Variants in FBN2 observed in about 807,000 individuals in gnomAD.
FBN2 encodes fibrillin-2.
A neutral mutation model predicts 355.6 loss-of-function variants in FBN2; 105 were observed. The observed-to-expected ratio is 0.30, with a 90% confidence interval of 0.25 to 0.35. The LOEUF (loss-of-function observed/expected upper bound fraction) is 0.35, where lower values mean the gene tolerates loss of function less well. Among genes scored for constraint, FBN2 ranks in the 10% least tolerant of loss-of-function variants. FBN2 has a pLI of 1.00. For synonymous variants in FBN2, 1,350 were observed against 1,301.2 expected, an observed-to-expected ratio of 1.04 and a Z score of -0.81; for missense variants, 3,280 against 3,758.7, an observed-to-expected ratio of 0.87 and a Z score of 3.33.
chr5:128,477,335 T>C (rs990572186), intron 5 of FBN2, among the ~76,000 whole-genome samples: 5 of 152,110 alleles, frequency 3.3e-5, no homozygotes, highest in Admixed American at 3.3e-4. Flanking sequence ...ATGGGGAATA[T>C]CACAGCATTT....
Position 128,464,613 on chromosome 5 carries a change from T to C in FBN2, c.826+111A>G, listed in dbSNP as rs1754653742. ...TCAGGGTTGTTAACGAGGCCACTCT[T>C]GGAAATCAGTATTCTGTTAAAAGCT... On this transcript the variant is annotated intron_variant, in intron 6 of 64. Coordinates refer to ENST00000262464, the MANE Select transcript of FBN2 (RefSeq NM_001999.4). 9 of 1,201,948 alleles carry C rather than the reference T, an allele frequency of 7.5e-6. No homozygotes were observed. The South Asian group carries it at 1.1e-4, about 15-fold the overall frequency. 74.5% of individuals were successfully genotyped at this position (1,201,948 alleles called of 1,614,324 possible).
chr5:128,322,154 A>ATTTG lies in FBN2; in HGVS notation c.4472-3154_4472-3153insCAAA, dbSNP rs751165933. ...TATGGGGTTGTTTTTTTTCTTGTAA[A>ATTTG]TTTAAGTTCCTTGCAGATTCTGGAT... On this transcript the variant is annotated intron_variant, in intron 34 of 64. Transcript: ENST00000262464. Among the ~76,000 whole-genome samples, 2 of 151,342 alleles carry ATTTG rather than the reference A, an allele frequency of 1.3e-5. 1 individual carries two copies. Among genetic ancestry groups the ATTTG allele is most frequent in the South Asian group, 4.2e-4 (2 of 4,814 alleles).
At position 128,537,357 on chromosome 5, in the gene FBN2, G is replaced by T; in HGVS notation, c.247C>A (p.Leu83Ile). ...AGCCGCTTGCCCACTTACCCTCGGAGCACGTCCTGCTGTCCTCGCCGGCGG... is the reference window on the plus strand; with the variant it reads ...AGCCGCTTGCCCACTTACCCTCGGATCACGTCCTGCTGTCCTCGCCGGCGG... ...RVRRRGQQDV[L>I]RGPNVCGSRF... Residue 83 changes from leucine to isoleucine, a missense_variant, in exon 1 of 65, where the codon CTC becomes ATC. Around this residue, in one of 6 missense-constraint regions of FBN2, gnomAD observed 203 missense variants for 142.2 expected, o/e 1.43. Coordinates refer to ENST00000262464, the MANE Select transcript of FBN2 (RefSeq NM_001999.4). 1 of 1,610,590 alleles carries T rather than the reference G, an allele frequency of 6.2e-7. No individual in the cohort carries two copies. The highest frequency in any genetic ancestry group is 1.3e-5 in the African/African-American group (1 of 75,076).
chr5:128,463,310 T>A (rs1025217766), intron 6 of FBN2, among the ~76,000 whole-genome samples: 8 of 151,978 alleles, frequency 5.3e-5, no homozygotes, highest in African/African-American at 1.4e-4. Context: ...TACCAAAACA[T>A]ACAGAATTTT....
intron 5 of FBN2, among the ~76,000 whole-genome samples, chr5:128,516,340 T>C (rs1245474607): frequency 2.0e-5 from 3 of 152,106 alleles, no homozygotes; most frequent in African/African-American, 7.2e-5. Context: ...ATGAGCTGTC[T>C]GCATTTTACA....
chr5:128,381,142 C>T (rs1273709650), intron 11 of FBN2, among the ~76,000 whole-genome samples: 1 of 151,888 alleles, frequency 6.6e-6, no homozygotes, highest in African/African-American at 2.4e-5. Flanking sequence ...TTTACTACTC[C>T]AAAATAGAGT....
chr5:128,467,178 C>T (rs145839260), intron 5 of FBN2, among the ~76,000 whole-genome samples: 164 of 152,108 alleles, frequency 1.1e-3, no homozygotes, highest in Non-Finnish European at 1.8e-3. Context: ...CTCTTAGTAC[C>T]GTCTCTGTGG....
At chr5:128,415,611 G>A (rs970615955) in intron 7 of FBN2, among the ~76,000 whole-genome samples, 2 of 152,042 alleles carry the variant, frequency 1.3e-5, no homozygotes, top group Admixed American at 6.6e-5. Context: ...ATCCAGTGAC[G>A]AATGCTTAGG....
chr5:128,446,683 TTATATAAA>T, intron 6 of FBN2, 77 bp from the exon 7 acceptor site: 1 of 1,485,090 alleles, frequency 6.7e-7, no homozygotes, highest in Non-Finnish European at 9.3e-7. Context: ...TATAAAAACT[TTATATAAA>T]CATTCTTCTA....
chr5:128,473,549 A>T (rs939698634), intron 5 of FBN2, among the ~76,000 whole-genome samples: 1 of 152,272 alleles, frequency 6.6e-6, no homozygotes, highest in African/African-American at 2.4e-5. Context: ...TTTGAGATCC[A>T]TTTCACTCCA....
Position 128,321,146 on chromosome 5 carries a change from G to A in FBN2, c.4472-2145C>T, listed in dbSNP as rs577319653. Among the ~76,000 whole-genome samples the A allele has an allele frequency of 2.6e-5, 4 of 152,172 alleles. No individual in the cohort carries two copies. The East Asian group carries it at 5.8e-4, about 22-fold the overall frequency. The stretch of plus-strand genomic sequence containing the variant: ...GTGGGACTTTTATGAAATCACAGGT[G>A]TTTTCTACCTGACTTATTTCATGTG... On this transcript the variant is annotated intron_variant, in intron 34 of 64. Transcript: ENST00000262464.
intron 5 of FBN2, among the ~76,000 whole-genome samples, chr5:128,515,748 G>A (rs1319291973): frequency 2.0e-5 from 3 of 151,742 alleles, no homozygotes; most frequent in African/African-American, 4.9e-5. Flanking sequence ...TCTTTAAAAT[G>A]TCAATAATTA....
intron 5 of FBN2, among the ~76,000 whole-genome samples, chr5:128,499,062 AG>A (rs1287415891): frequency 6.6e-6 from 1 of 152,206 alleles, no homozygotes; most frequent in Non-Finnish European, 1.5e-5. Flanking sequence ...TGCCCCCTGC[AG>A]GGAGTATGTA....
At chr5:128,395,432 G>T (rs551873103) in intron 8 of FBN2, among the ~76,000 whole-genome samples, 158 bp from the exon 9 acceptor site, 31 of 152,224 alleles carry the variant, frequency 2.0e-4, no homozygotes, top group African/African-American at 7.2e-4. Flanking sequence ...GACATTCATT[G>T]AGCCAGGGAC....
At chr5:128,480,664 T>A (rs1755158946) in intron 5 of FBN2, among the ~76,000 whole-genome samples, 1 of 151,972 alleles carries the variant, frequency 6.6e-6, no homozygotes, top group African/African-American at 2.4e-5. Context: ...GAGCCAAGAT[T>A]GCGCCATTGC....
At chr5:128,351,794 G>C (rs1317691056) in intron 20 of FBN2, among the ~76,000 whole-genome samples, 2 of 151,918 alleles carry the variant, frequency 1.3e-5, no homozygotes, top group Non-Finnish European at 2.9e-5. Flanking sequence ...TGGAACTCCA[G>C]GCCTCAAGCA....
rs539901597 is a variant in FBN2 at position 128,319,469 on chromosome 5, T to TTTTAGTTAATTTAGTTAATTAAATAAA, written c.4472-495_4472-469dup. On this transcript the variant is annotated intron_variant, in intron 34 of 64. Transcript: ENST00000262464. The stretch of plus-strand genomic sequence containing the variant: ...AATATTGGAGATATTAAAATTAACT[T>TTTTAGTTAATTTAGTTAATTAAATAAA]TTTAGTTAATTTAGTTAATTAAATA... Among the ~76,000 whole-genome samples, 1,093 of 151,678 alleles carry TTTTAGTTAATTTAGTTAATTAAATAAA rather than the reference T, an allele frequency of 7.2e-3. 7 individuals carry two copies. The highest frequency in any genetic ancestry group is 0.011 in the Non-Finnish European group (712 of 67,796).
At chr5:128,471,804 T>C (rs745512176) in intron 5 of FBN2, among the ~76,000 whole-genome samples, 1 of 152,312 alleles carries the variant, frequency 6.6e-6, no homozygotes, top group African/African-American at 2.4e-5. Context: ...TATAAAATTA[T>C]AAGTTTGAGT....
chr5:128,394,926 C>T (rs558861799), intron 9 of FBN2, among the ~76,000 whole-genome samples, 196 bp downstream of exon 9: 11 of 152,256 alleles, frequency 7.2e-5, no homozygotes, highest in African/African-American at 1.9e-4. Flanking sequence ...TCTGGGATTA[C>T]AGGCATGCAC....
Sources: gnomAD v4.1 joint callset for allele counts (sites outside exome capture counted in the v4.1 genomes callset) on GRCh38, gnomAD v4.1.1 for gene constraint, gnomAD v4.1.1 regional missense constraint, MANE v1.5 for transcripts, NCBI Gene and HGNC (gene_info 2026-07-23, HGNC 2026-07-21) for gene names.